The following SMC1B variants were observed in gnomAD, a reference collection of about 807,000 sequenced individuals.
SMC1B encodes the protein structural maintenance of chromosomes 1B.
SMC1B carries 60 observed loss-of-function variants against 157.9 expected under a neutral mutation model. That is an observed-to-expected ratio of 0.38 (90% CI 0.31 to 0.47). SMC1B has a LOEUF of 0.47. Ranked by LOEUF, SMC1B falls within the 20% of genes least tolerant of loss-of-function variation. SMC1B has a pLI of 0.99. For synonymous variants in SMC1B, 445 were observed against 483.0 expected, an observed-to-expected ratio of 0.92 and a Z score of 1.03; for missense variants, 1,165 against 1,426.2, an observed-to-expected ratio of 0.82 and a Z score of 2.95.
intron 15 of SMC1B, among the ~76,000 whole-genome samples, chr22:45,365,079 C>T (rs2086762357): frequency 6.6e-6 from 1 of 152,018 alleles, no homozygotes; most frequent in Non-Finnish European, 1.5e-5. Flanking sequence ...CCTCGTGATC[C>T]GCCCACCTCA....
At chr22:45,381,671 A>G (rs2146811924) in intron 12 of SMC1B, among the ~76,000 whole-genome samples, 1 of 152,338 alleles carries the variant, frequency 6.6e-6, no homozygotes. Flanking sequence ...TCAGGTTGTG[A>G]CACACAGATG....
chr22:45,372,018 G>C (rs532222132), intron 13 of SMC1B, 137 bp downstream of exon 13: 42 of 677,296 alleles, frequency 6.2e-5, no homozygotes, highest in Non-Finnish European at 9.3e-5. Flanking sequence ...ACTCCAGCCT[G>C]GGTGACAGAG....
chr22:45,355,685 G>A (rs905521324), intron 19 of SMC1B, among the ~76,000 whole-genome samples: 1 of 151,908 alleles, frequency 6.6e-6, no homozygotes, highest in Non-Finnish European at 1.5e-5. Flanking sequence ...CAGCTAGACA[G>A]GTTAACACTT....
At position 45,344,338 on chromosome 22, in the gene SMC1B, CATT is replaced by C. The variant is rs571108699; in HGVS notation, c.*215_*217del. The stretch of plus-strand genomic sequence containing the variant: ...ACCTTTTGTTTGTTTTTTAAAAACT[CATT>C]TGACACCAGCTCTCACTGAAAACTT... On this transcript the variant is annotated 3_prime_UTR_variant, in exon 25 of 25. Coordinates refer to ENST00000357450, the MANE Select transcript of SMC1B (RefSeq NM_148674.5). 6.1e-4 allele frequency: 215 copies of C among 350,256 alleles called. No homozygotes were observed. The highest frequency in any genetic ancestry group is 4.2e-3 in the African/African-American group (199 of 47,616). 21.7% of individuals were successfully genotyped at this position (350,256 alleles called of 1,614,324 possible).
At chr22:45,348,472 C>G (rs1468726358) in intron 23 of SMC1B, among the ~76,000 whole-genome samples, 2 of 152,154 alleles carry the variant, frequency 1.3e-5, no homozygotes, top group Non-Finnish European at 2.9e-5. Context: ...GGATTTTAAA[C>G]TTTAATTCTT....
At position 45,393,624 on chromosome 22, in the gene SMC1B, T is replaced by C. The variant is rs772206849; in HGVS notation, c.1545+10A>G. 6.3e-7 allele frequency: 1 copy of C among 1,591,486 alleles called. No individual in the cohort carries two copies. Among genetic ancestry groups the C allele is most frequent in the Non-Finnish European group, 8.5e-7 (1 of 1,170,838 alleles). ...TTTTTTTGTTTAAATTAACTATTCA[T>C]TCTCATTACCACAGAATCTGGGTAC... On this transcript the variant is annotated intron_variant, in intron 9 of 24. Coordinates refer to ENST00000357450, the MANE Select transcript of SMC1B (RefSeq NM_148674.5).
intron 12 of SMC1B, among the ~76,000 whole-genome samples, chr22:45,380,246 G>A (rs1391355926): frequency 1.3e-5 from 2 of 152,076 alleles, no homozygotes; most frequent in East Asian, 1.9e-4. Context: ...TTGAAGGGCA[G>A]GTAGCTTAGC....
chr22:45,350,747 T>C (rs1164276985), intron 22 of SMC1B, among the ~76,000 whole-genome samples: 1 of 152,176 alleles, frequency 6.6e-6, no homozygotes, highest in Non-Finnish European at 1.5e-5. Flanking sequence ...ATTACTCTAG[T>C]TGATTAGGTC....
intron 16 of SMC1B, 111 bp from the exon 17 acceptor site, chr22:45,362,095 C>G: frequency 8.9e-7 from 1 of 1,129,104 alleles, no homozygotes; most frequent in South Asian, 1.6e-5. Context: ...ACCTTCTCAC[C>G]CTATGTGCTA....
At chr22:45,382,420 TATA>T (rs2086945248) in intron 12 of SMC1B, among the ~76,000 whole-genome samples, 1 of 152,124 alleles carries the variant, frequency 6.6e-6, no homozygotes, top group Admixed American at 6.5e-5. Context: ...GAGGAAAAAC[TATA>T]ATGACAGAAA....
At chr22:45,349,331 T>G (rs2086585546) in intron 23 of SMC1B, among the ~76,000 whole-genome samples, 1 of 138,648 alleles carries the variant, frequency 7.2e-6, no homozygotes, top group Non-Finnish European at 1.6e-5. Flanking sequence ...CTGAATTTTT[T>G]GTTTTGTTTT....
chr22:45,374,108 T>C (rs868038913), intron 12 of SMC1B, among the ~76,000 whole-genome samples: 15 of 148,784 alleles, frequency 1.0e-4, no homozygotes, highest in Admixed American at 2.7e-4. Context: ...TTTTTTTTTT[T>C]TTTTTGGTAA....
rs754176117 is a variant in SMC1B at position 45,389,906 on chromosome 22, G to T, written c.1546-9C>A. Reference sequence around the variant, plus strand: ...TCAAATAGTCTTCCAAACTTAGCAGGTTTCAAAAAAGGAGAGAAAAACAGA... The same window carrying T: ...TCAAATAGTCTTCCAAACTTAGCAGTTTTCAAAAAAGGAGAGAAAAACAGA... On this transcript the variant is annotated splice_polypyrimidine_tract_variant and intron_variant, in intron 9 of 24. Coordinates refer to ENST00000357450, the MANE Select transcript of SMC1B (RefSeq NM_148674.5). The T allele has an allele frequency of 1.3e-5, 21 of 1,602,900 alleles. No individual in the cohort carries two copies. The South Asian group carries it at 2.3e-4, about 17-fold the overall frequency.
rs547424369 is a variant in SMC1B at position 45,356,798 on chromosome 22, TG to T, written c.2962-1684del. Among the ~76,000 whole-genome samples the T allele has an allele frequency of 3.2e-3, 477 of 151,096 alleles. 1 individual carries two copies. The highest frequency in any genetic ancestry group is 5.0e-3 in the Non-Finnish European group (338 of 67,728). On this transcript the variant is annotated intron_variant, in intron 19 of 24. Transcript: ENST00000357450. ...TGGCTGGAGTGCAGTGGCACAATCTTGGCTCACTGCAACCTCCACATCCCAG... is the reference window on the plus strand; with the variant it reads ...TGGCTGGAGTGCAGTGGCACAATCTTGCTCACTGCAACCTCCACATCCCAG...
At chr22:45,373,186 T>C (rs956777665) in intron 12 of SMC1B, among the ~76,000 whole-genome samples, 1 of 152,202 alleles carries the variant, frequency 6.6e-6, no homozygotes, top group Admixed American at 6.5e-5. Context: ...TCCTAAAACA[T>C]ATACAACCAA....
At position 45,372,220 on chromosome 22, in the gene SMC1B, G is replaced by A. The variant is rs1045395248; in HGVS notation, c.2131C>T (p.Arg711Ter). Residue 711 changes from arginine to a stop codon, truncating the protein, a stop_gained, in exon 13 of 25, where the codon CGA becomes TGA. Transcript: ENST00000357450. LOFTEE classifies it high-confidence loss of function. ...AGTTCATTTTGTGAATATTTGAGTC[G>A]TGTTTGAGTTCCCTGTATCAGGGTC... Reference protein sequence around the residue: ...IQTLIQGTQTRLKYSQNELEM... With the variant: ...IQTLIQGTQT The A allele has an allele frequency of 1.9e-6, 3 of 1,611,898 alleles. No homozygotes were observed. The highest frequency in any genetic ancestry group is 2.5e-6 in the Non-Finnish European group (3 of 1,178,820).
intron 12 of SMC1B, among the ~76,000 whole-genome samples, chr22:45,381,362 C>T (rs1365508138): frequency 2.6e-5 from 4 of 152,032 alleles, no homozygotes; most frequent in Non-Finnish European, 5.9e-5. Context: ...GTCAGTACCA[C>T]CCTGAGACAG....
At chr22:45,387,428 C>T (rs1362529556) in intron 10 of SMC1B, among the ~76,000 whole-genome samples, 1 of 151,430 alleles carries the variant, frequency 6.6e-6, no homozygotes, top group Non-Finnish European at 1.5e-5. Context: ...CCAGCCTAGG[C>T]AACAGAGTGA....
At position 45,364,824 on chromosome 22, in the gene SMC1B, CT is replaced by C. The variant is rs202166311; in HGVS notation, c.2421-1799del. On this transcript the variant is annotated intron_variant, in intron 15 of 24. Transcript: ENST00000357450. ...CTAACATCTTGTAGGATCTCTTTTCCTTTTTTTTTTTTTTTTTTTTTTTTTT... is the reference window on the plus strand; with the variant it reads ...CTAACATCTTGTAGGATCTCTTTTCCTTTTTTTTTTTTTTTTTTTTTTTTT... Among the ~76,000 whole-genome samples the C allele has an allele frequency of 1.6e-4, 17 of 105,502 alleles. No individual in the cohort carries two copies. In the South Asian group the frequency reaches 3.2e-3, roughly 20 times the overall value. The allele number at this position is 105,502 out of a possible 152,430, so 69.2% of individuals were successfully genotyped here. A position where few individuals can be genotyped will look rare whatever the true frequency, so the allele number is the denominator to read the frequency against.
Sources: gnomAD v4.1 joint callset for allele counts (sites outside exome capture counted in the v4.1 genomes callset) on GRCh38, gnomAD v4.1.1 for gene constraint, MANE v1.5 for transcripts, NCBI Gene and HGNC (gene_info 2026-07-23, HGNC 2026-07-21) for gene names.